Variants in THRAP3 observed in about 807,000 individuals in gnomAD.
THRAP3 encodes thyroid hormone receptor-associated protein 3.
THRAP3 carries 16 observed loss-of-function variants against 101.0 expected under a neutral mutation model. That is an observed-to-expected ratio of 0.16 (90% CI 0.11 to 0.24). THRAP3 has a LOEUF of 0.24. Among genes scored for constraint, THRAP3 ranks in the 10% least tolerant of loss-of-function variants. THRAP3 has a pLI of 1.00. For synonymous variants in THRAP3, 407 were observed against 422.6 expected, an observed-to-expected ratio of 0.96 and a Z score of 0.45; for missense variants, 989 against 1,202.7, an observed-to-expected ratio of 0.82 and a Z score of 2.63.
chr1:36,260,826 A>G (rs1645436724), intron 2 of THRAP3, among the ~76,000 whole-genome samples: 1 of 151,768 alleles, frequency 6.6e-6, no homozygotes, highest in East Asian at 1.9e-4. Context: ...CGTCTCAAAA[A>G]AAAAAAAAAA....
At chr1:36,225,615 T>C (rs909793139) in intron 1 of THRAP3, among the ~76,000 whole-genome samples, 7 of 152,206 alleles carry the variant, frequency 4.6e-5, no homozygotes, top group African/African-American at 1.7e-4. Flanking sequence ...ATCACACCGT[T>C]ATTTTTCTTC....
In THRAP3 at chr1:36,296,843, C is replaced by T. The variant is rs1329021230; in HGVS notation, c.2303+73C>T. 9 of 1,268,940 alleles carry T rather than the reference C, an allele frequency of 7.1e-6. No homozygotes were observed. The Admixed American group carries it at 1.4e-4, about 20-fold the overall frequency. 78.6% of individuals were successfully genotyped at this position (1,268,940 alleles called of 1,614,324 possible). ...GTCCCCTTTGGGCTATACACCAGAA[C>T]TTTCAAATCAGAGGAGTTTAGGGTT... On this transcript the variant is annotated intron_variant, in intron 9 of 11. Transcript: ENST00000354618.
intron 2 of THRAP3, among the ~76,000 whole-genome samples, chr1:36,272,284 C>A (rs1367118930): frequency 5.3e-5 from 8 of 152,176 alleles, no homozygotes; most frequent in Non-Finnish European, 1.5e-5. Flanking sequence ...TTTGGATATT[C>A]TTTTCTATAA....
chr1:36,218,162 C>T, the THRAP3 span, among the ~76,000 whole-genome samples: 8 of 149,026 alleles, frequency 5.4e-5, no homozygotes, highest in African/African-American at 1.7e-4. Flanking sequence ...GTCAGGAGTT[C>T]GAGACCAGCC....
At chr1:36,285,872 C>A (rs948742677) in intron 3 of THRAP3, among the ~76,000 whole-genome samples, 2 of 152,100 alleles carry the variant, frequency 1.3e-5, no homozygotes, top group African/African-American at 4.8e-5. Flanking sequence ...AAGTTCATCC[C>A]GCACAAGGGG....
rs1553122395 is a variant in THRAP3 at position 36,275,602 on chromosome 1, A to AAGG, written c.-31-6930_-31-6929insGGA. Among the ~76,000 whole-genome samples the AAGG allele has an allele frequency of 9.0e-3, 1,149 of 126,978 alleles. 87 individuals are homozygous for AAGG. Among genetic ancestry groups the AAGG allele is most frequent in the African/African-American group, 0.032 (1,078 of 33,600 alleles). The allele number at this position is 126,978 out of a possible 152,430, so 83.3% of individuals were successfully genotyped here. A position where few individuals can be genotyped will look rare whatever the true frequency, so the allele number is the denominator to read the frequency against. Reference sequence around the variant, plus strand: ...ACTCTGTCTCAAAAAAAAAAAAAAAAAAGTCTTCTTTTTTTTTTTTCTTTT... The same window carrying AAGG: ...ACTCTGTCTCAAAAAAAAAAAAAAAAAGGAAGTCTTCTTTTTTTTTTTTCTTTT... On this transcript the variant is annotated intron_variant, in intron 2 of 11. Transcript: ENST00000354618.
intron 2 of THRAP3, among the ~76,000 whole-genome samples, chr1:36,260,246 A>C (rs1036396606): frequency 1.3e-5 from 2 of 152,074 alleles, no homozygotes; most frequent in African/African-American, 4.8e-5. Context: ...TGTCTCAGAA[A>C]AACAAAAACA....
chr1:36,278,840 T>C (rs1419584215), intron 2 of THRAP3, among the ~76,000 whole-genome samples: 1 of 151,884 alleles, frequency 6.6e-6, no homozygotes, highest in Non-Finnish European at 1.5e-5. Flanking sequence ...GGAGAATCAC[T>C]TGAACCCAGG....
chr1:36,294,467 A>G (rs1208887041), intron 8 of THRAP3, among the ~76,000 whole-genome samples: 1 of 152,204 alleles, frequency 6.6e-6, no homozygotes, highest in Non-Finnish European at 1.5e-5. Context: ...ATTTGCAATG[A>G]TGTGCACGTA....
At chr1:36,210,722 T>TG in the THRAP3 span, among the ~76,000 whole-genome samples, 9 of 7,610 alleles carry the variant, frequency 1.2e-3, no homozygotes, top group African/African-American at 9.7e-3. Context: ...TATATATATA[T>TG]ATATATATAT....
At chr1:36,244,635 C>T (rs1400067886) in intron 1 of THRAP3, among the ~76,000 whole-genome samples, 1 of 151,988 alleles carries the variant, frequency 6.6e-6, no homozygotes, top group African/African-American at 2.4e-5. Flanking sequence ...TCAGATTTCA[C>T]TCCTGTGAGT....
At chr1:36,214,716 G>A in the THRAP3 span, among the ~76,000 whole-genome samples, 9 of 151,808 alleles carry the variant, frequency 5.9e-5, no homozygotes, top group South Asian at 4.2e-4. Flanking sequence ...AAAATTAGCC[G>A]AGCATGGTGG....
At chr1:36,272,033 G>T (rs1467154610) in intron 2 of THRAP3, among the ~76,000 whole-genome samples, 1 of 151,992 alleles carries the variant, frequency 6.6e-6, no homozygotes, top group Non-Finnish European at 1.5e-5. Context: ...CCTGGCCCTG[G>T]ATAATTTTTT....
Position 36,286,952 on chromosome 1 carries a change from A to G in THRAP3, c.722A>G (p.Glu241Gly), listed in dbSNP as rs1242840262. Residue 241 changes from glutamate (E) to glycine (G), a missense_variant, in exon 4 of 12, where the codon GAG becomes GGG. Transcript: ENST00000354618. The surrounding 1 kb of genome is among the most constrained non-coding windows in gnomAD (Gnocchi z 5.5). ...GCATCACGGGCCTCAGCAGTTTCTG[A>G]GCTGAGTCCTCGGGAGCGAAGCCCA... ...GSASRASAVS[E>G]LSPRERSPAL... is the part of the protein sequence containing the mutation. 3 of 1,614,096 alleles carry G rather than the reference A, an allele frequency of 1.9e-6. No homozygotes were observed. Among genetic ancestry groups the G allele is most frequent in the Non-Finnish European group, 2.5e-6 (3 of 1,180,054 alleles).
Position 36,305,062 on chromosome 1 carries a change from T to C in THRAP3, c.*1045T>C, listed in dbSNP as rs1487990789. 4.8e-6 allele frequency: 1 copy of C among 209,782 alleles called. No individual in the cohort carries two copies. Among genetic ancestry groups the C allele is most frequent in the Admixed American group, 5.9e-5 (1 of 16,958 alleles). The allele number at this position is 209,782 out of a possible 1,614,324, so 13.0% of individuals were successfully genotyped here. On this transcript the variant is annotated 3_prime_UTR_variant, in exon 12 of 12. Transcript: ENST00000354618. The stretch of plus-strand genomic sequence containing the variant: ...CTGTTTAAGTTGAAGCATTCTCAGA[T>C]GTTTGGGGGGAAACATCCTCTTAAA...
intron 7 of THRAP3, 97 bp downstream of exon 7, chr1:36,292,806 T>A (rs1645893270): frequency 1.2e-6 from 1 of 834,862 alleles, no homozygotes. Context: ...GCACCTTTAA[T>A]ACAAAATTTA....
chr1:36,277,220 C>G (rs1202572568), intron 2 of THRAP3, among the ~76,000 whole-genome samples: 1 of 152,068 alleles, frequency 6.6e-6, no homozygotes, highest in Non-Finnish European at 1.5e-5. Flanking sequence ...CTGCCCACCT[C>G]TGCCTCCCAA....
At chr1:36,255,928 G>A (rs941969884) in intron 1 of THRAP3, among the ~76,000 whole-genome samples, 4 of 152,242 alleles carry the variant, frequency 2.6e-5, no homozygotes, top group Admixed American at 2.0e-4. Context: ...CTATATCGTC[G>A]TTTAAGGTCT....
chr1:36,297,983 GAAA>G (rs574500754), intron 9 of THRAP3, among the ~76,000 whole-genome samples: 2 of 135,926 alleles, frequency 1.5e-5, no homozygotes, highest in African/African-American at 2.7e-5. Context: ...TGTCTCTACT[GAAA>G]AAAAAAAAAA....
Sources: gnomAD v4.1 joint callset for allele counts (sites outside exome capture counted in the v4.1 genomes callset) on GRCh38, gnomAD v4.1.1 for gene constraint, Gnocchi (gnomAD v3.1) non-coding constraint, MANE v1.5 for transcripts, NCBI Gene and HGNC (gene_info 2026-07-23, HGNC 2026-07-21) for gene names.